The following RALYL variants were observed in gnomAD, a reference collection of about 807,000 sequenced individuals.
The protein encoded by RALYL is RALY RNA binding protein like, also known as RNA-binding Raly-like protein.
Under a neutral mutation model 35.1 loss-of-function variants are expected in RALYL, and 29 were observed. The ratio of observed to expected loss-of-function variants is 0.83; its 90% CI spans 0.61 to 1.13. RALYL has a LOEUF of 1.13. Among genes scored for constraint, RALYL ranks in the 50% most tolerant of loss-of-function variants. The pLI is 0.00. For synonymous variants in RALYL, 120 were observed against 127.6 expected (o/e 0.94, Z 0.40); for missense variants, 359 against 360.4 (o/e 1.00, Z 0.03).
At chr8:84,364,417 A>C (rs892731073) in intron 1 of RALYL, among the ~76,000 whole-genome samples, 1 of 152,212 alleles carries the variant, frequency 6.6e-6, no homozygotes, top group Non-Finnish European at 1.5e-5. Flanking sequence ...ATTTCAATGA[A>C]GTAGCAAATG....
chr8:84,365,248 G>T (rs1196917373), intron 1 of RALYL, among the ~76,000 whole-genome samples: 2 of 152,042 alleles, frequency 1.3e-5, no homozygotes, highest in Non-Finnish European at 2.9e-5. Flanking sequence ...TTTCTAGAAG[G>T]TTCCACCAGT....
intron 1 of RALYL, among the ~76,000 whole-genome samples, chr8:84,250,948 C>A (rs10111128): frequency 0.052 from 7,961 of 152,192 alleles, 226 homozygotes; most frequent in Middle Eastern, 0.082. Context: ...TTTAGCATGT[C>A]AGTTGATTTT....
chr8:84,797,804 G>A (rs1040957980), intron 3 of RALYL, among the ~76,000 whole-genome samples: 1 of 152,214 alleles, frequency 6.6e-6, no homozygotes, highest in African/African-American at 2.4e-5. Context: ...TTGCTGGCTT[G>A]AGTAAGGCAC....
At chr8:84,678,545 G>T (rs924862089) in intron 2 of RALYL, among the ~76,000 whole-genome samples, 3 of 152,124 alleles carry the variant, frequency 2.0e-5, no homozygotes, top group Non-Finnish European at 4.4e-5. Flanking sequence ...AGGATTACAG[G>T]CGTGAGCCAC....
chr8:84,826,769 C>T (rs1022761572), intron 4 of RALYL, among the ~76,000 whole-genome samples: 1 of 151,790 alleles, frequency 6.6e-6, no homozygotes, highest in Non-Finnish European at 1.5e-5. Flanking sequence ...CCCAAACACA[C>T]CCCCACGCCC....
intron 1 of RALYL, among the ~76,000 whole-genome samples, chr8:84,201,542 A>C (rs13278022): frequency 6.6e-6 from 1 of 150,790 alleles, no homozygotes; most frequent in South Asian, 2.1e-4. Flanking sequence ...TAATTGGGGG[A>C]GTAGTTTTCA....
rs547148472 is a variant in RALYL at position 84,805,446 on chromosome 8, T to C, written c.365+644T>C. On this transcript the variant is annotated intron_variant, in intron 4 of 8. Coordinates refer to ENST00000521268, the MANE Select transcript of RALYL (RefSeq NM_173848.7). ...GTTCATGCCTGTAATCCTAGCATTTTTGGGAGGTGGGCGGATCACCTGAGG... is the reference window on the plus strand; with the variant it reads ...GTTCATGCCTGTAATCCTAGCATTTCTGGGAGGTGGGCGGATCACCTGAGG... Among the ~76,000 whole-genome samples, 6 of 152,284 alleles carry C rather than the reference T, an allele frequency of 3.9e-5. No homozygotes were observed. In the East Asian group the frequency reaches 1.2e-3, roughly 29 times the overall value.
intron 8 of RALYL, among the ~76,000 whole-genome samples, chr8:84,915,857 T>G (rs997009247): frequency 4.6e-5 from 7 of 152,096 alleles, no homozygotes; most frequent in African/African-American, 7.2e-5. Context: ...TGATTTCAGT[T>G]AAATGAAATG....
At chr8:84,486,675 C>T (rs16912911) in intron 1 of RALYL, among the ~76,000 whole-genome samples, 2,227 of 151,966 alleles carry the variant, frequency 0.015, 46 homozygotes, top group African/African-American at 0.05. Flanking sequence ...ATAAAAATCC[C>T]ACTTCACAAT....
intron 1 of RALYL, among the ~76,000 whole-genome samples, chr8:84,294,670 A>G (rs1440878511): frequency 6.6e-6 from 1 of 152,112 alleles, no homozygotes; most frequent in African/African-American, 2.4e-5. Context: ...AGACCTTGTT[A>G]TAACAAAGGT....
Position 84,227,933 on chromosome 8 carries a change from G to A in RALYL, c.-24+43509G>A, listed in dbSNP as rs188087912. Among the ~76,000 whole-genome samples the A allele has an allele frequency of 1.5e-3, 225 of 152,104 alleles. 1 individual carries two copies. The highest frequency in any genetic ancestry group is 5.3e-3 in the African/African-American group (219 of 41,494). Reference sequence around the variant, plus strand: ...AAAAACTACTTTGTGTCTACCATCAGAATTTAAAAGACACCTTCCTAGATC... The same window carrying A: ...AAAAACTACTTTGTGTCTACCATCAAAATTTAAAAGACACCTTCCTAGATC... On this transcript the variant is annotated intron_variant, in intron 1 of 8. Transcript: ENST00000521268.
chr8:84,599,629 G>A (rs1815434619), intron 2 of RALYL, among the ~76,000 whole-genome samples: 1 of 151,732 alleles, frequency 6.6e-6, no homozygotes, highest in South Asian at 2.1e-4. Context: ...ATATTCAAAG[G>A]ATTTACTCCC....
chr8:84,652,570 C>T (rs1829070783), intron 2 of RALYL, among the ~76,000 whole-genome samples: 2 of 151,960 alleles, frequency 1.3e-5, no homozygotes, highest in African/African-American at 4.8e-5. Context: ...TAAAATGGCT[C>T]TTTATTAGAC....
intron 1 of RALYL, among the ~76,000 whole-genome samples, chr8:84,275,141 A>G (rs1046043746): frequency 6.6e-6 from 1 of 152,108 alleles, no homozygotes; most frequent in Non-Finnish European, 1.5e-5. Context: ...AGACTTTTTG[A>G]TAGAGAATTC....
chr8:84,689,491 G>A (rs938623769), intron 2 of RALYL, among the ~76,000 whole-genome samples: 12 of 152,090 alleles, frequency 7.9e-5, no homozygotes, highest in Non-Finnish European at 1.6e-4. Context: ...TGGACATTTG[G>A]CTTGGTTCCA....
At chr8:84,546,659 G>A (rs1241389567) in intron 2 of RALYL, among the ~76,000 whole-genome samples, 1 of 152,106 alleles carries the variant, frequency 6.6e-6, no homozygotes, top group East Asian at 1.9e-4. Flanking sequence ...TTGATTAGTT[G>A]TTTACTTTTT....
intron 4 of RALYL, chr8:84,829,102 G>C (rs1263346425): frequency 6.6e-6 from 1 of 152,420 alleles, no homozygotes; most frequent in African/African-American, 2.4e-5. Flanking sequence ...ATGGCAGAAG[G>C]TGAAGGAGGA....
chr8:84,318,985 T>A (rs891423262), intron 1 of RALYL, among the ~76,000 whole-genome samples: 2 of 152,182 alleles, frequency 1.3e-5, no homozygotes, highest in African/African-American at 4.8e-5. Flanking sequence ...CTGCTTTGCC[T>A]AGGAATGGAC....
At chr8:84,884,746 G>A (rs1842700248) in intron 7 of RALYL, among the ~76,000 whole-genome samples, 1 of 151,838 alleles carries the variant, frequency 6.6e-6, no homozygotes, top group Non-Finnish European at 1.5e-5. Flanking sequence ...AGAATGTTTG[G>A]GTTTAAAAAA....
Sources: allele counts gnomAD v4.1 joint callset (sites outside exome capture counted in the v4.1 genomes callset), GRCh38; gene constraint gnomAD v4.1.1; transcripts MANE v1.5; gene names NCBI Gene and HGNC (gene_info 2026-07-23, HGNC 2026-07-21).